The following CSTPP1 variants were observed in gnomAD, a reference collection of about 807,000 sequenced individuals.
The protein encoded by CSTPP1 is centriolar satellite-associated tubulin polyglutamylase complex regulator 1.
At chr11:47,069,823 C>T in the CSTPP1 span, among the ~76,000 whole-genome samples, 1 of 152,136 alleles carries the variant, frequency 6.6e-6, no homozygotes, top group Non-Finnish European at 1.5e-5. Context: ...CAGCAATTCT[C>T]CTGCCTCAGC....
the CSTPP1 span, among the ~76,000 whole-genome samples, chr11:47,024,422 G>A: frequency 4.0e-5 from 6 of 151,010 alleles, no homozygotes; most frequent in Non-Finnish European, 8.8e-5. Context: ...ATCTTTAAAG[G>A]TTTGGCAGGA....
At chr11:46,978,840 C>T in the CSTPP1 span, among the ~76,000 whole-genome samples, 2 of 152,146 alleles carry the variant, frequency 1.3e-5, no homozygotes, top group African/African-American at 2.4e-5. Flanking sequence ...ATTCTAAGCC[C>T]GTGAGTTTTC....
At chr11:47,099,565 C>T in the CSTPP1 span, among the ~76,000 whole-genome samples, 20 of 152,328 alleles carry the variant, frequency 1.3e-4, no homozygotes, top group Middle Eastern at 6.8e-3. Context: ...GAGGAGACGT[C>T]TTTCTTATAA....
the CSTPP1 span, among the ~76,000 whole-genome samples, chr11:47,058,875 A>G: frequency 6.6e-6 from 1 of 152,238 alleles, no homozygotes; most frequent in Non-Finnish European, 1.5e-5. Flanking sequence ...ACAAATGAGT[A>G]AGTGACAATA....
the CSTPP1 span, among the ~76,000 whole-genome samples, chr11:47,095,062 A>G: frequency 6.6e-6 from 1 of 152,214 alleles, no homozygotes; most frequent in African/African-American, 2.4e-5. Flanking sequence ...CTCTAGTTAG[A>G]GAAATAAATT....
the CSTPP1 span, chr11:46,987,328 G>A: frequency 6.2e-7 from 1 of 1,601,218 alleles, no homozygotes; most frequent in East Asian, 2.2e-5. Context: ...CATGAATGTT[G>A]TACTAATACA....
chr11:47,153,347 T>C, the CSTPP1 span, among the ~76,000 whole-genome samples: 1 of 152,202 alleles, frequency 6.6e-6, no homozygotes, highest in South Asian at 2.1e-4. Context: ...GGAATTCTAG[T>C]GTTGAACTCT....
chr11:46,957,021 C>T, the CSTPP1 span, among the ~76,000 whole-genome samples: 8 of 150,942 alleles, frequency 5.3e-5, no homozygotes, highest in African/African-American at 1.9e-4. Flanking sequence ...TTTTCATTTT[C>T]CTGCAATTAA....
At chr11:46,993,936 G>A in the CSTPP1 span, among the ~76,000 whole-genome samples, 1 of 152,066 alleles carries the variant, frequency 6.6e-6, no homozygotes, top group African/African-American at 2.4e-5. Context: ...TTTTGTTTGT[G>A]TCCTCTTTTA....
chr11:47,004,423 C>T, the CSTPP1 span: 1 of 151,898 alleles, frequency 6.6e-6, no homozygotes, highest in East Asian at 1.9e-4. Context: ...ATGTTATGCT[C>T]CTGCCTCAGC....
At chr11:47,104,989 T>C in the CSTPP1 span, among the ~76,000 whole-genome samples, 2 of 152,230 alleles carry the variant, frequency 1.3e-5, no homozygotes, top group Admixed American at 1.3e-4. Flanking sequence ...AGTTCCCAAA[T>C]CAAAATGAAG....
At chr11:46,968,898 C>CAAT in the CSTPP1 span, among the ~76,000 whole-genome samples, 3 of 151,550 alleles carry the variant, frequency 2.0e-5, no homozygotes, top group African/African-American at 4.9e-5. Context: ...GATTCTGTCT[C>CAAT]AATAATAATA....
the CSTPP1 span, chr11:47,103,891 T>C: frequency 6.6e-6 from 1 of 152,074 alleles, no homozygotes; most frequent in Non-Finnish European, 1.5e-5. Flanking sequence ...GATCTCAAAC[T>C]GCTGAGCTCA....
At chr11:47,052,353 A>G in the CSTPP1 span, 2 of 1,594,798 alleles carry the variant, frequency 1.3e-6, no homozygotes, top group East Asian at 4.5e-5. Context: ...TCTGGATTCC[A>G]TCTAACAATG....
the CSTPP1 span, among the ~76,000 whole-genome samples, chr11:47,035,494 C>A: frequency 6.6e-6 from 1 of 152,232 alleles, no homozygotes; most frequent in African/African-American, 2.4e-5. Context: ...CAGATACTTG[C>A]AACACTTGTG....
the CSTPP1 span, among the ~76,000 whole-genome samples, chr11:46,968,699 G>T: frequency 6.6e-6 from 1 of 151,860 alleles, no homozygotes; most frequent in African/African-American, 2.4e-5. Flanking sequence ...AGGAGTTCGA[G>T]ACCAGCCTGA....
the CSTPP1 span, among the ~76,000 whole-genome samples, chr11:47,087,706 A>T: frequency 5.9e-4 from 89 of 152,098 alleles, 2 homozygotes; most frequent in South Asian, 0.018. Context: ...ATATATGTGT[A>T]TGTCAAATGT....
the CSTPP1 span, among the ~76,000 whole-genome samples, chr11:46,966,744 G>A: frequency 1.3e-5 from 2 of 152,162 alleles, no homozygotes; most frequent in African/African-American, 4.8e-5. Context: ...TATTAAAAAG[G>A]CATGTACTTA....
the CSTPP1 span, among the ~76,000 whole-genome samples, chr11:47,085,500 C>G: frequency 3.9e-5 from 6 of 152,108 alleles, no homozygotes; most frequent in Non-Finnish European, 5.9e-5. Context: ...AAAATAAACA[C>G]TGGTTCCAGG....
Sources: allele counts gnomAD v4.1 joint callset (sites outside exome capture counted in the v4.1 genomes callset), GRCh38; gene constraint gnomAD v4.1.1; transcripts MANE v1.5; gene names NCBI Gene and HGNC (gene_info 2026-07-23, HGNC 2026-07-21).